DNHD1: variants seen among roughly 807,000 people sequenced by gnomAD.
DNHD1 encodes the protein dynein heavy chain domain 1, also known as dynein heavy chain domain-containing protein 1.
Under a neutral mutation model 458.1 loss-of-function variants are expected in DNHD1, and 383 were observed. That is an observed-to-expected ratio of 0.84 (90% CI 0.77 to 0.91). DNHD1 has a LOEUF of 0.91. DNHD1 is among the 40% of genes least tolerant of loss of function. The pLI, the probability that DNHD1 is intolerant of heterozygous loss-of-function variation, is 0.00. For missense variants in DNHD1, 5,336 were observed against 5,866.1 expected, an observed-to-expected ratio of 0.91 and a Z score of 2.95; for synonymous variants, 2,203 against 2,376.9, an observed-to-expected ratio of 0.93 and a Z score of 2.13.
chr11:6,544,432 A>T, intron 19 of DNHD1, 142 bp from the exon 20 acceptor site: 1 of 1,021,088 alleles, frequency 9.8e-7, no homozygotes, highest in Non-Finnish European at 1.4e-6. Context: ...TTTCTCCCTC[A>T]AGCAAGTTCC....
Position 6,571,883 on chromosome 11 carries a change from T to C in DNHD1, c.14159T>C (p.Leu4720Pro). The C allele has an allele frequency of 6.2e-7, 1 of 1,614,036 alleles. No homozygotes were observed. Among genetic ancestry groups the C allele is most frequent in the Non-Finnish European group, 8.5e-7 (1 of 1,179,898 alleles). Residue 4720 changes from leucine to proline, a missense_variant, in exon 43 of 43, where the codon CTG (leucine) becomes CCG (proline). Transcript: ENST00000254579. This position sits in a 1 kb window ranked among gnomAD's most constrained non-coding sequence, Gnocchi z 5.0. ...GGAGGGCCCCTTGGCACCGCTAAGCTGCAGAGCAGGAACATCGTGATGCAT... is the reference window on the plus strand; with the variant it reads ...GGAGGGCCCCTTGGCACCGCTAAGCCGCAGAGCAGGAACATCGTGATGCAT... ...YMGGPLGTAK[L>P]QSRNIVMHLP...
chr11:6,549,001 TATTC>T, intron 24 of DNHD1, 68 bp downstream of exon 24: 1 of 1,473,214 alleles, frequency 6.8e-7, no homozygotes, highest in South Asian at 1.3e-5. Flanking sequence ...TCCCTAGCAA[TATTC>T]ATTGACTCTC....
At chr11:6,514,091 C>T (rs1852404650) in intron 7 of DNHD1, among the ~76,000 whole-genome samples, 1 of 152,128 alleles carries the variant, frequency 6.6e-6, no homozygotes, top group Non-Finnish European at 1.5e-5. Flanking sequence ...CATGATCCAC[C>T]TGCCTCAGCC....
intron 3 of DNHD1, among the ~76,000 whole-genome samples, chr11:6,500,713 C>T (rs118102455): frequency 0.018 from 2,724 of 152,174 alleles, 49 homozygotes; most frequent in Admixed American, 0.024. Context: ...TACGTTCTCC[C>T]GGAGTGGTTT....
chr11:6,558,875 G>A, intron 26 of DNHD1, 27 bp from the exon 27 acceptor site: 1 of 1,550,730 alleles, frequency 6.4e-7, no homozygotes, highest in African/African-American at 1.4e-5. Context: ...AGCTCACAGA[G>A]TGAGGCTAAA....
At chr11:6,552,739 C>T (rs1288833903) in intron 24 of DNHD1, among the ~76,000 whole-genome samples, 3 of 152,012 alleles carry the variant, frequency 2.0e-5, no homozygotes, top group Non-Finnish European at 4.4e-5. Flanking sequence ...AAGCCGGCCC[C>T]GTGATCCACT....
chr11:6,509,955 A>G (rs908427509), intron 6 of DNHD1, among the ~76,000 whole-genome samples: 6 of 152,124 alleles, frequency 3.9e-5, no homozygotes, highest in Admixed American at 2.0e-4. Flanking sequence ...ACTAATTACT[A>G]ATTGTTGCTG....
At position 6,563,053 on chromosome 11, in the gene DNHD1, G is replaced by C. The variant is rs1368328080; in HGVS notation, c.9591G>C (p.Arg3197=). 6.4e-7 allele frequency: 1 copy of C among 1,551,546 alleles called. No individual in the cohort carries two copies. Among genetic ancestry groups the C allele is most frequent in the Non-Finnish European group, 8.7e-7 (1 of 1,146,986 alleles). The stretch of plus-strand genomic sequence containing the variant: ...ACAAGCAGCAGCTGGAAGAGTGTCG[G>C]CATCAAGAGAACCTCATTGAGAACC... ...LLYKQQLEEC[R]HQENLIENLA... is the part of the protein sequence containing the mutation. Residue 3197 remains arginine (R), a synonymous_variant, in exon 29 of 43, where the codon CGG becomes CGC. Coordinates refer to ENST00000254579, the MANE Select transcript of DNHD1 (RefSeq NM_144666.3).
chr11:6,571,740 C>A lies in DNHD1; in HGVS notation c.14016C>A (p.Asp4672Glu). 1.2e-6 allele frequency: 2 copies of A among 1,613,134 alleles called. No homozygotes were observed. Among genetic ancestry groups the A allele is most frequent in the Non-Finnish European group, 1.7e-6 (2 of 1,179,446 alleles). Residue 4672 changes from aspartate to glutamate, a missense_variant, in exon 43 of 43, where the codon GAC (aspartate) becomes GAA (glutamate). Coordinates refer to ENST00000254579, the MANE Select transcript of DNHD1 (RefSeq NM_144666.3). This position sits in a 1 kb window ranked among gnomAD's most constrained non-coding sequence, Gnocchi z 5.0. The part of the protein sequence containing the change: ...EWDPIAGALQ[D>E]SPSSQPSPLP... ...ACCCAATAGCTGGAGCCTTGCAGGA[C>A]AGTCCTTCCAGCCAACCCAGCCCTC...
intron 16 of DNHD1, 123 bp from the exon 17 acceptor site, chr11:6,539,096 G>A (rs914801866): frequency 1.7e-5 from 12 of 720,910 alleles, no homozygotes; most frequent in Non-Finnish European, 2.6e-5. Flanking sequence ...TCTGTGTTGT[G>A]CTCTGAGATC....
Position 6,547,458 on chromosome 11 carries a change from G to A in DNHD1, c.6519G>A (p.Arg2173=). The part of the protein sequence containing the change: ...SLPYEYRLQH[R]TVAELNHMAE... Reference sequence around the variant, plus strand: ...CTTATGAGTACCGCCTGCAGCACCGGACAGTCGCTGAGCTCAACCACATGG... The same window carrying A: ...CTTATGAGTACCGCCTGCAGCACCGAACAGTCGCTGAGCTCAACCACATGG... Residue 2173 remains arginine (R), a synonymous_variant, in exon 21 of 43, where the codon CGG becomes CGA. Transcript: ENST00000254579. The A allele has an allele frequency of 1.9e-6, 3 of 1,551,330 alleles. No individual in the cohort carries two copies. In the South Asian group the frequency reaches 3.6e-5, roughly 18 times the overall value.
chr11:6,533,159 A>G lies in DNHD1; in HGVS notation c.2480A>G (p.His827Arg). The G allele has an allele frequency of 6.4e-7, 1 of 1,551,642 alleles. No individual in the cohort carries two copies. The highest frequency in any genetic ancestry group is 8.7e-7 in the Non-Finnish European group (1 of 1,146,986). ...HIFRTINSDI[H>R]AIAQCTQKLN... ...TTCCGAACCATCAACTCAGATATTC[A>G]TGCCATTGCACAGTGCACCCAGAAG... Residue 827 changes from histidine to arginine, a missense_variant, in exon 13 of 43, where the codon CAT becomes CGT. His to Arg is a conservative substitution (Grantham distance 29). Coordinates refer to ENST00000254579, the MANE Select transcript of DNHD1 (RefSeq NM_144666.3).
In DNHD1 at chr11:6,571,596, A is replaced by T; in HGVS notation, c.13912-40A>T. On this transcript the variant is annotated intron_variant, in intron 42 of 42. Transcript: ENST00000254579. The surrounding 1 kb of genome is among the most constrained non-coding windows in gnomAD (Gnocchi z 5.0). ...CCCCACTTCCCACCTGCCACCTCCCAGCTTCCTAGCCTTGCCTGACCAGCT... is the reference window on the plus strand; with the variant it reads ...CCCCACTTCCCACCTGCCACCTCCCTGCTTCCTAGCCTTGCCTGACCAGCT... 2 of 1,496,228 alleles carry T rather than the reference A, an allele frequency of 1.3e-6. No individual in the cohort carries two copies. The highest frequency in any genetic ancestry group is 8.9e-7 in the Non-Finnish European group (1 of 1,117,690). 92.7% of individuals were successfully genotyped at this position (1,496,228 alleles called of 1,614,324 possible). A position where few individuals can be genotyped will look rare whatever the true frequency, so the allele number is the denominator to read the frequency against.
At chr11:6,529,967 T>C (rs1239136767) in intron 12 of DNHD1, among the ~76,000 whole-genome samples, 2 of 152,190 alleles carry the variant, frequency 1.3e-5, no homozygotes, top group South Asian at 4.1e-4. Context: ...TGGCTTTTGC[T>C]TCAGGGTCCC....
chr11:6,547,269 C>A lies in DNHD1; in HGVS notation c.6330C>A (p.Leu2110=), dbSNP rs532905969. 1.3e-6 allele frequency: 2 copies of A among 1,551,790 alleles called. No homozygotes were observed. The highest frequency in any genetic ancestry group is 2.0e-5 in the Admixed American group (1 of 51,004). Residue 2110 remains leucine (L), a synonymous_variant, in exon 21 of 43, where the codon CTC becomes CTA. Transcript: ENST00000254579. ...CLLSELPQLS[L]PSGQQIARPP... ...TGAGTGAGCTTCCCCAGCTTAGTCT[C>A]CCCAGTGGACAGCAGATAGCACGAC...
chr11:6,536,242 C>T (rs1368491756), intron 14 of DNHD1, among the ~76,000 whole-genome samples: 1 of 152,038 alleles, frequency 6.6e-6, no homozygotes, highest in Non-Finnish European at 1.5e-5. Flanking sequence ...AGAGACATGA[C>T]AAATGCAGTG....
At chr11:6,501,467 G>A (rs1852134490) in intron 3 of DNHD1, among the ~76,000 whole-genome samples, 1 of 152,078 alleles carries the variant, frequency 6.6e-6, no homozygotes. Flanking sequence ...AGCACTGATG[G>A]AGGAATTAAT....
In DNHD1 at chr11:6,547,160, C is replaced by T. The variant is rs745622819; in HGVS notation, c.6221C>T (p.Thr2074Ile). 16 of 1,551,778 alleles carry T rather than the reference C, an allele frequency of 1.0e-5. No homozygotes were observed. The highest frequency in any genetic ancestry group is 1.4e-5 in the Non-Finnish European group (16 of 1,147,000). Residue 2074 changes from threonine (T) to isoleucine (I), a missense_variant, in exon 21 of 43, where the codon ACA becomes ATA. Coordinates refer to ENST00000254579, the MANE Select transcript of DNHD1 (RefSeq NM_144666.3). ...QCNNMGQKRQ[T>I]EESIGIQHWI... ...AACAACATGGGCCAAAAGAGGCAGA[C>T]AGAGGAATCAATCGGGATCCAGCAC...
chr11:6,498,861 A>C lies in DNHD1; in HGVS notation c.646A>C (p.Ser216Arg). The C allele has an allele frequency of 6.2e-7, 1 of 1,614,258 alleles. No homozygotes were observed. The highest frequency in any genetic ancestry group is 8.5e-7 in the Non-Finnish European group (1 of 1,180,048). Reference sequence around the variant, plus strand: ...AGAGGCTGTGTGGCTGGATGGACTTAGTCTCCTTCCCTTGGCACTGGCAGC... The same window carrying C: ...AGAGGCTGTGTGGCTGGATGGACTTCGTCTCCTTCCCTTGGCACTGGCAGC... Reference protein sequence around the residue: ...LEEAVWLDGLSLLPLALAADI... With the variant: ...LEEAVWLDGLRLLPLALAADI... Residue 216 changes from serine to arginine, a missense_variant, in exon 3 of 43, where the codon AGT becomes CGT. Transcript: ENST00000254579.
Sources: gnomAD v4.1 joint callset for allele counts (sites outside exome capture counted in the v4.1 genomes callset) on GRCh38, gnomAD v4.1.1 for gene constraint, Gnocchi (gnomAD v3.1) non-coding constraint, MANE v1.5 for transcripts, NCBI Gene and HGNC (gene_info 2026-07-23, HGNC 2026-07-21) for gene names.